The following SMCHD1 variants were observed in gnomAD, a reference collection of about 807,000 sequenced individuals.
The protein encoded by SMCHD1 is structural maintenance of chromosomes flexible hinge domain-containing protein 1.
In SMCHD1, 78 loss-of-function variants were observed where a neutral mutation model predicts 254.7. That is an observed-to-expected ratio of 0.31 (90% CI 0.26 to 0.37). The LOEUF (loss-of-function observed/expected upper bound fraction) is 0.37, where lower values mean the gene tolerates loss of function less well. Among genes scored for constraint, SMCHD1 ranks in the 10% least tolerant of loss-of-function variants. SMCHD1 has a pLI of 1.00. For synonymous variants in SMCHD1, 766 were observed against 794.9 expected, an observed-to-expected ratio of 0.96 and a Z score of 0.61; for missense variants, 1,840 against 2,408.1, an observed-to-expected ratio of 0.76 and a Z score of 4.94.
intron 44 of SMCHD1, 43 bp from the exon 45 acceptor site, chr18:2,784,407 G>T (rs200572528): frequency 5.9e-6 from 5 of 850,060 alleles, no homozygotes; most frequent in Non-Finnish European, 7.7e-6. Flanking sequence ...TGGAGCAGTT[G>T]AAATAAGTTG....
rs182901467 is a variant in SMCHD1 at position 2,790,803 on chromosome 18, A to G, written c.5720-5146A>G. Among the ~76,000 whole-genome samples the G allele has an allele frequency of 2.0e-5, 3 of 152,332 alleles. No homozygotes were observed. The East Asian group carries it at 5.8e-4, about 29-fold the overall frequency. On this transcript the variant is annotated intron_variant, in intron 45 of 47. Coordinates refer to ENST00000320876, the MANE Select transcript of SMCHD1 (RefSeq NM_015295.3). The stretch of plus-strand genomic sequence containing the variant: ...AGTACAGGTAGAAGAAAATAATTCA[A>G]ATGTCCCTAGCATAAAGAAAAAATA...
intron 5 of SMCHD1, among the ~76,000 whole-genome samples, chr18:2,675,918 GT>G (rs2073737547): frequency 6.6e-6 from 1 of 152,114 alleles, no homozygotes; most frequent in Non-Finnish European, 1.5e-5. Flanking sequence ...TTTGCTGCTG[GT>G]TTTAGTCTTA....
At chr18:2,795,703 A>G (rs1199519145) in intron 45 of SMCHD1, among the ~76,000 whole-genome samples, 2 of 152,272 alleles carry the variant, frequency 1.3e-5, no homozygotes, top group Non-Finnish European at 2.9e-5. Context: ...ACTTTTATAT[A>G]GAGAACTCTT....
At chr18:2,780,308 T>C (rs945598722) in intron 44 of SMCHD1, among the ~76,000 whole-genome samples, 1 of 149,096 alleles carries the variant, frequency 6.7e-6, no homozygotes, top group Non-Finnish European at 1.5e-5. Context: ...ACTAAATTAC[T>C]GGGATTTTGA....
rs537623102 is a variant in SMCHD1 at position 2,759,925 on chromosome 18, A to G, written c.4347-727A>G. The stretch of plus-strand genomic sequence containing the variant: ...GAATTACCATCTCAGAGAAAACAAT[A>G]TAGAGAAAGGTTAAATAATTTTCTT... On this transcript the variant is annotated intron_variant, in intron 34 of 47. Transcript: ENST00000320876. Among the ~76,000 whole-genome samples the G allele has an allele frequency of 3.3e-5, 5 of 152,302 alleles. No homozygotes were observed. In the East Asian group the frequency reaches 9.6e-4, roughly 29 times the overall value.
At chr18:2,767,452 CTT>C (rs764186027) in intron 37 of SMCHD1, among the ~76,000 whole-genome samples, 9 of 152,028 alleles carry the variant, frequency 5.9e-5, no homozygotes, top group Non-Finnish European at 1.0e-4. Flanking sequence ...CATGTCATCA[CTT>C]AATGACGGGC....
chr18:2,734,933 T>C (rs963032064), intron 25 of SMCHD1, among the ~76,000 whole-genome samples: 10 of 151,758 alleles, frequency 6.6e-5, no homozygotes, highest in African/African-American at 2.4e-4. Flanking sequence ...TAGCCAGGCA[T>C]GGTGGCGGGC....
chr18:2,691,675 T>C (rs2074183654), intron 7 of SMCHD1: 1 of 152,238 alleles, frequency 6.6e-6, no homozygotes, highest in South Asian at 2.1e-4. Flanking sequence ...GATGCTTACC[T>C]GATTATTGGA....
intron 29 of SMCHD1, among the ~76,000 whole-genome samples, chr18:2,746,818 G>T (rs1191646433): frequency 6.6e-6 from 1 of 152,074 alleles, no homozygotes; most frequent in African/African-American, 2.4e-5. Flanking sequence ...TTGGGCTTTT[G>T]TCAGGTATCT....
chr18:2,687,418 A>T (rs1280493905), intron 5 of SMCHD1, among the ~76,000 whole-genome samples: 1 of 152,126 alleles, frequency 6.6e-6, no homozygotes, highest in Admixed American at 6.5e-5. Context: ...TAGAGATAAT[A>T]TTCCTCTCTG....
chr18:2,727,121 G>A (rs1252598823), intron 22 of SMCHD1: 1 of 152,344 alleles, frequency 6.6e-6, no homozygotes, highest in Non-Finnish European at 1.5e-5. Context: ...AGTTACTACA[G>A]GTAGTCCTTG....
At chr18:2,673,485 TCATC>T in intron 4 of SMCHD1, 122 bp downstream of exon 4, 1 of 749,830 alleles carries the variant, frequency 1.3e-6, no homozygotes, top group South Asian at 2.9e-5. Flanking sequence ...AGATATCTCT[TCATC>T]CATTGTTAAA....
intron 17 of SMCHD1, among the ~76,000 whole-genome samples, chr18:2,715,971 T>TTTTAATATTTTCTGTA (rs1455141970): frequency 6.6e-6 from 1 of 152,222 alleles, no homozygotes; most frequent in East Asian, 1.9e-4. Context: ...GCACCTTATT[T>TTTTAATATTTTCTGTA]TTTAATATTT....
At chr18:2,770,902 G>T (rs554696487) in intron 39 of SMCHD1, among the ~76,000 whole-genome samples, 1 of 152,148 alleles carries the variant, frequency 6.6e-6, no homozygotes, top group South Asian at 2.1e-4. Context: ...GATTACAGGT[G>T]TTAGCCACCA....
intron 7 of SMCHD1, among the ~76,000 whole-genome samples, chr18:2,688,965 C>T (rs543891075): frequency 5.4e-4 from 82 of 152,110 alleles, no homozygotes; most frequent in Non-Finnish European, 9.9e-4. Context: ...AAGCTTTTTT[C>T]CCTGGTCTGA....
chr18:2,691,992 TA>T (rs1374223558), intron 7 of SMCHD1: 1 of 152,262 alleles, frequency 6.6e-6, no homozygotes, highest in East Asian at 1.9e-4. Flanking sequence ...ACAAAACTTT[TA>T]AAAAACTTCA....
chr18:2,695,369 G>A (rs1018157858), intron 8 of SMCHD1, among the ~76,000 whole-genome samples: 17 of 151,180 alleles, frequency 1.1e-4, no homozygotes, highest in Non-Finnish European at 2.5e-4. Context: ...GAGTGCAATG[G>A]CGCACTCTTG....
At position 2,803,180 on chromosome 18, in the gene SMCHD1, CTGTGTGTG is replaced by C. The variant is rs879780165; in HGVS notation, c.*640_*647del. The C allele has an allele frequency of 1.5e-5, 2 of 130,288 alleles. No individual in the cohort carries two copies. The highest frequency in any genetic ancestry group is 5.4e-5 in the African/African-American group (2 of 37,272). The allele number at this position is 130,288 out of a possible 1,614,324, so 8.1% of individuals were successfully genotyped here. A position where few individuals can be genotyped will look rare whatever the true frequency, so the allele number is the denominator to read the frequency against. ...CATTTCAAATTTCAAAAGACTTATC[CTGTGTGTG>C]TGTGTGTGTGTATATATATATATAT... is the stretch of plus-strand genomic sequence containing the variant. On this transcript the variant is annotated 3_prime_UTR_variant, in exon 48 of 48. Coordinates refer to ENST00000320876, the MANE Select transcript of SMCHD1 (RefSeq NM_015295.3).
intron 17 of SMCHD1, among the ~76,000 whole-genome samples, chr18:2,712,457 A>T (rs1350867444): frequency 6.6e-6 from 1 of 152,204 alleles, no homozygotes; most frequent in African/African-American, 2.4e-5. Flanking sequence ...GTGCAGGTCC[A>T]CTTATATGTG....
Sources: gnomAD v4.1 joint callset for allele counts (sites outside exome capture counted in the v4.1 genomes callset) on GRCh38, gnomAD v4.1.1 for gene constraint, MANE v1.5 for transcripts, NCBI Gene and HGNC (gene_info 2026-07-23, HGNC 2026-07-21) for gene names.